Variants in TSHZ1 observed in about 807,000 individuals in gnomAD.
TSHZ1 encodes the protein teashirt zinc finger homeobox 1.
A neutral mutation model predicts 67.1 loss-of-function variants in TSHZ1; 12 were observed. The observed-to-expected ratio is 0.18, with a 90% CI of 0.11 to 0.29. The LOEUF (loss-of-function observed/expected upper bound fraction) is 0.29, where lower values mean the gene tolerates loss of function less well. TSHZ1 is among the 10% of genes least tolerant of loss of function. The pLI, the probability that TSHZ1 is intolerant of heterozygous loss-of-function variation, is 1.00. For missense variants in TSHZ1, 1,305 were observed against 1,413.9 expected (o/e 0.92, Z 1.23); for synonymous variants, 632 against 622.4 (o/e 1.02, Z -0.23).
chr18:75,211,900 C>T lies in TSHZ1; in HGVS notation c.24C>T (p.Ala8=), dbSNP rs1284824577. ...GCATGCCGAGGAGGAAGCAGCAGGCCCCCCGGCGCTCGGCAGGTAACGGGC... is the reference window on the plus strand; with the variant it reads ...GCATGCCGAGGAGGAAGCAGCAGGCTCCCCGGCGCTCGGCAGGTAACGGGC... MPRRKQQ[A]PRRSAAYVPE... is the part of the protein sequence containing the mutation. Residue 8 remains alanine, a synonymous_variant, in exon 1 of 2, where the codon GCC becomes GCT. Transcript: ENST00000580243. 8.3e-6 allele frequency: 10 copies of T among 1,201,206 alleles called. No homozygotes were observed. The highest frequency in any genetic ancestry group is 6.4e-5 in the African/African-American group (4 of 62,898). 74.4% of individuals were successfully genotyped at this position (1,201,206 alleles called of 1,614,324 possible).
At chr18:75,265,155 C>T (rs970192541) in intron 1 of TSHZ1, among the ~76,000 whole-genome samples, 1 of 152,100 alleles carries the variant, frequency 6.6e-6, no homozygotes, top group Non-Finnish European at 1.5e-5. Context: ...CCTTTTATCT[C>T]GACATCTGTG....
At chr18:75,282,691 C>T (rs547285914) in intron 1 of TSHZ1, among the ~76,000 whole-genome samples, 2 of 152,322 alleles carry the variant, frequency 1.3e-5, no homozygotes, top group South Asian at 4.1e-4. Flanking sequence ...AGAAACCAAA[C>T]CCTGCCAGAC....
intron 1 of TSHZ1, among the ~76,000 whole-genome samples, chr18:75,264,128 C>A (rs1182296369): frequency 1.3e-5 from 2 of 152,184 alleles, no homozygotes; most frequent in African/African-American, 4.8e-5. Context: ...CACATAGTGC[C>A]ACTCATTTAT....
rs118011606 is a variant in TSHZ1 at position 75,288,548 on chromosome 18, G to A, written c.3141G>A (p.Ala1047=). 6,773 of 1,614,204 alleles carry A rather than the reference G, an allele frequency of 4.2e-3. 33 individuals carry two copies. The highest frequency in any genetic ancestry group is 7.8e-3 in the South Asian group (710 of 91,078). ...FQCKLCNRTF[A]SKHAVKLHLS... ...GTAAGCTCTGCAACCGGACTTTTGC[G>A]AGCAAGCACGCAGTCAAACTGCACC... Residue 1047 remains alanine (A), a synonymous_variant, in exon 2 of 2, where the codon GCG becomes GCA. Transcript: ENST00000580243. The surrounding 1 kb of genome is among the most constrained non-coding windows in gnomAD (Gnocchi z 4.9).
intron 1 of TSHZ1, among the ~76,000 whole-genome samples, chr18:75,235,154 A>T (rs2023051439): frequency 6.6e-6 from 1 of 152,072 alleles, no homozygotes; most frequent in African/African-American, 2.4e-5. Flanking sequence ...CCTGAGCATA[A>T]ATCACGCTGC....
At chr18:75,230,694 G>C (rs77527732) in intron 1 of TSHZ1, among the ~76,000 whole-genome samples, 2 of 152,170 alleles carry the variant, frequency 1.3e-5, no homozygotes, top group Admixed American at 1.3e-4. Flanking sequence ...AACATCATGC[G>C]TGCGAAATTA....
rs1278008136 is a variant in TSHZ1 at position 75,288,308 on chromosome 18, T to A, written c.2901T>A (p.His967Gln). The part of the protein sequence containing the change: ...TKFLKNLDTG[H>Q]PVFFCNDCAS... ...TCCTAAAGAACCTGGACACAGGGCATCCTGTTTTCTTTTGCAACGATTGTG... is the reference window on the plus strand; with the variant it reads ...TCCTAAAGAACCTGGACACAGGGCAACCTGTTTTCTTTTGCAACGATTGTG... Residue 967 changes from histidine to glutamine, a missense_variant, in exon 2 of 2, where the codon CAT (histidine) becomes CAA (glutamine). Coordinates refer to ENST00000580243, the MANE Select transcript of TSHZ1 (RefSeq NM_001308210.2). The surrounding 1 kb of genome is among the most constrained non-coding windows in gnomAD (Gnocchi z 4.9). 4 of 1,614,222 alleles carry A rather than the reference T, an allele frequency of 2.5e-6. No individual in the cohort carries two copies. Among genetic ancestry groups the A allele is most frequent in the Non-Finnish European group, 3.4e-6 (4 of 1,180,038 alleles).
At chr18:75,214,993 GA>G (rs1370888676) in intron 1 of TSHZ1, among the ~76,000 whole-genome samples, 12 of 152,054 alleles carry the variant, frequency 7.9e-5, no homozygotes, top group Admixed American at 7.9e-4. Flanking sequence ...GTGACAAATG[GA>G]CTTTGCTACC....
intron 1 of TSHZ1, chr18:75,280,840 G>T (rs1298416396): frequency 1.7e-5 from 17 of 985,128 alleles, no homozygotes; most frequent in Non-Finnish European, 2.0e-5. Context: ...TCTTCCAGGA[G>T]TGGTGAATTC....
At chr18:75,259,612 T>A (rs1038601706) in intron 1 of TSHZ1, among the ~76,000 whole-genome samples, 2 of 152,186 alleles carry the variant, frequency 1.3e-5, no homozygotes, top group African/African-American at 4.8e-5. Context: ...AGAGACCCCA[T>A]TCACAAAACT....
chr18:75,279,157 G>A (rs940473682), intron 1 of TSHZ1, among the ~76,000 whole-genome samples: 2 of 152,212 alleles, frequency 1.3e-5, no homozygotes, highest in African/African-American at 2.4e-5. Context: ...GGGCGGGTTC[G>A]GGCTAGTGAG....
At chr18:75,233,247 A>G (rs979268387) in intron 1 of TSHZ1, among the ~76,000 whole-genome samples, 6 of 152,234 alleles carry the variant, frequency 3.9e-5, no homozygotes, top group African/African-American at 1.4e-4. Flanking sequence ...CTGTGGAAAC[A>G]TATTTTACAT....
At chr18:75,248,325 C>A (rs779684437) in intron 1 of TSHZ1, among the ~76,000 whole-genome samples, 10 of 152,196 alleles carry the variant, frequency 6.6e-5, no homozygotes, top group Non-Finnish European at 1.0e-4. Context: ...TCAGAAATAT[C>A]ATATGATGAA....
At position 75,211,811 on chromosome 18, in the gene TSHZ1, C is replaced by T. The variant is rs1402373188; in HGVS notation, c.-66C>T. Reference sequence around the variant, plus strand: ...CGCGGAGTTGCGCCCGCGCCCGGGGCCCCGCGTCCCCGCGCCCCGCGAACT... The same window carrying T: ...CGCGGAGTTGCGCCCGCGCCCGGGGTCCCGCGTCCCCGCGCCCCGCGAACT... On this transcript the variant is annotated 5_prime_UTR_variant, in exon 1 of 2. Transcript: ENST00000580243. 1.9e-6 allele frequency: 2 copies of T among 1,034,288 alleles called. No homozygotes were observed. The highest frequency in any genetic ancestry group is 7.6e-5 in the East Asian group (1 of 13,236). The allele number at this position is 1,034,288 out of a possible 1,614,324, so 64.1% of individuals were successfully genotyped here.
chr18:75,211,766 G>C lies in TSHZ1; in HGVS notation c.-111G>C, dbSNP rs557023440. ...CCCGGAGCCCGGAGCCCGCGGGGACGAGGCCAAAGTTGGGCGCGCCGCGGA... is the reference window on the plus strand; with the variant it reads ...CCCGGAGCCCGGAGCCCGCGGGGACCAGGCCAAAGTTGGGCGCGCCGCGGA... On this transcript the variant is annotated 5_prime_UTR_variant, in exon 1 of 2. Transcript: ENST00000580243. 0.029 allele frequency: 18,726 copies of C among 655,866 alleles called. 308 individuals carry two copies. The highest frequency in any genetic ancestry group is 0.033 in the Non-Finnish European group (17,295 of 528,778). The allele number at this position is 655,866 out of a possible 1,614,324, so 40.6% of individuals were successfully genotyped here.
intron 1 of TSHZ1, chr18:75,283,611 G>A (rs1599058452): frequency 6.6e-6 from 1 of 152,322 alleles, no homozygotes; most frequent in Middle Eastern, 3.4e-3. Flanking sequence ...GAACACAGGT[G>A]CGCAGATTGT....
intron 1 of TSHZ1, among the ~76,000 whole-genome samples, chr18:75,266,451 G>T (rs1345389499): frequency 6.6e-6 from 1 of 152,168 alleles, no homozygotes; most frequent in African/African-American, 2.4e-5. Context: ...TCGAGGAGGG[G>T]TGGGTGTGAG....
At chr18:75,251,214 AGT>A (rs750690288) in intron 1 of TSHZ1, among the ~76,000 whole-genome samples, 2 of 152,218 alleles carry the variant, frequency 1.3e-5, no homozygotes, top group Non-Finnish European at 2.9e-5. Context: ...TCTTTGCAAA[AGT>A]GTTAATATTA....
chr18:75,212,254 T>C (rs1025921318), intron 1 of TSHZ1, among the ~76,000 whole-genome samples: 18 of 152,140 alleles, frequency 1.2e-4, no homozygotes, highest in Non-Finnish European at 1.2e-4. Context: ...GCTCCTTGGC[T>C]GCCGGAGCGC....
Sources: allele counts gnomAD v4.1 joint callset (sites outside exome capture counted in the v4.1 genomes callset), GRCh38; gene constraint gnomAD v4.1.1; non-coding constraint Gnocchi (gnomAD v3.1); transcripts MANE v1.5; gene names NCBI Gene and HGNC (gene_info 2026-07-23, HGNC 2026-07-21).